Variants in RFX3 observed in about 807,000 individuals in gnomAD.
The protein encoded by RFX3 is transcription factor RFX3.
In RFX3, 14 loss-of-function variants were observed where a neutral mutation model predicts 98.6. The ratio of observed to expected loss-of-function variants is 0.14; its 90% CI spans 0.09 to 0.22. The LOEUF is 0.22. Among genes scored for constraint, RFX3 ranks in the 10% least tolerant of loss-of-function variants. The pLI, the probability that RFX3 is intolerant of heterozygous loss-of-function variation, is 1.00. For missense variants in RFX3, 639 were observed against 926.9 expected (o/e 0.69, Z 4.03); for synonymous variants, 383 against 328.4 (o/e 1.17, Z -1.80).
chr9:3,443,085 A>G (rs1370372605), intron 1 of RFX3, among the ~76,000 whole-genome samples: 1 of 152,256 alleles, frequency 6.6e-6, no homozygotes, highest in Admixed American at 6.5e-5. Flanking sequence ...GAAGATATAA[A>G]GTGACAAATA....
intron 1 of RFX3, among the ~76,000 whole-genome samples, chr9:3,401,910 A>C (rs2132037399): frequency 6.6e-6 from 1 of 152,348 alleles, no homozygotes; most frequent in Admixed American, 6.5e-5. Flanking sequence ...CCAGATGCTG[A>C]ATGGAACAAG....
At position 3,236,323 on chromosome 9, in the gene RFX3, G is replaced by T. The variant is rs547312378; in HGVS notation, c.1969-7434C>A. On this transcript the variant is annotated intron_variant, in intron 15 of 16. Transcript: ENST00000617270. ...GTTCACAGAGCTGAACGTTGTCAAG[G>T]AAGTTGACAAGGAAGTCATTCAGAG... Among the ~76,000 whole-genome samples the T allele has an allele frequency of 4.6e-5, 7 of 152,276 alleles. 1 individual carries two copies. The South Asian group carries it at 1.4e-3, about 32-fold the overall frequency.
intron 7 of RFX3, among the ~76,000 whole-genome samples, chr9:3,285,277 CACATG>C (rs1563860280): frequency 2.0e-5 from 3 of 151,864 alleles, no homozygotes; most frequent in Non-Finnish European, 2.9e-5. Context: ...TTAAACCTTT[CACATG>C]TCATTTGTAT....
At chr9:3,508,280 A>T (rs1817311362) in intron 1 of RFX3, among the ~76,000 whole-genome samples, 1 of 151,902 alleles carries the variant, frequency 6.6e-6, no homozygotes. Flanking sequence ...TCTATATTCA[A>T]ATCCCAATTT....
intron 1 of RFX3, among the ~76,000 whole-genome samples, chr9:3,435,924 C>A (rs1486981070): frequency 1.3e-5 from 2 of 151,206 alleles, no homozygotes; most frequent in East Asian, 3.9e-4. Flanking sequence ...AAGAGTGAAT[C>A]ATCTGCTCCC....
intron 2 of RFX3, among the ~76,000 whole-genome samples, chr9:3,386,632 C>T (rs7035528): frequency 0.044 from 6,612 of 151,736 alleles, 414 homozygotes; most frequent in African/African-American, 0.13. Context: ...CCAGAAGCCA[C>T]GGAAGAAAAA....
intron 1 of RFX3, among the ~76,000 whole-genome samples, chr9:3,505,727 C>G (rs1485904060): frequency 6.6e-6 from 1 of 151,254 alleles, no homozygotes; most frequent in Non-Finnish European, 1.5e-5. Context: ...CTTAATCATC[C>G]TATTTAAAAT....
intron 1 of RFX3, among the ~76,000 whole-genome samples, chr9:3,430,924 A>T (rs913767907): frequency 6.6e-6 from 1 of 152,230 alleles, no homozygotes; most frequent in Non-Finnish European, 1.5e-5. Context: ...AATATATATA[A>T]ATCCATTATA....
intron 1 of RFX3, among the ~76,000 whole-genome samples, chr9:3,510,080 G>A (rs1817522806): frequency 1.3e-5 from 2 of 151,988 alleles, no homozygotes; most frequent in Non-Finnish European, 2.9e-5. Flanking sequence ...ACTCTAGTGA[G>A]AGACCTTTTC....
intron 1 of RFX3, among the ~76,000 whole-genome samples, chr9:3,414,848 GTATATATGAGTATATATGTA>G (rs1422960148): frequency 1.7e-4 from 12 of 70,946 alleles, no homozygotes; most frequent in African/African-American, 4.1e-4. Context: ...GTATATATAA[GTATATATGAGTATATATGTA>G]TATATATGAG....
At chr9:3,495,312 A>G (rs1032893621) in intron 1 of RFX3, among the ~76,000 whole-genome samples, 1 of 152,056 alleles carries the variant, frequency 6.6e-6, no homozygotes, top group Non-Finnish European at 1.5e-5. Context: ...AAAAGGTAAA[A>G]TTATGTTCTA....
At chr9:3,451,512 C>T (rs1027872016) in intron 1 of RFX3, among the ~76,000 whole-genome samples, 1 of 152,182 alleles carries the variant, frequency 6.6e-6, no homozygotes, top group Middle Eastern at 3.2e-3. Context: ...CCACTGCACT[C>T]CAGCCTGGGC....
At chr9:3,290,116 C>G (rs1210266309) in intron 6 of RFX3, among the ~76,000 whole-genome samples, 1 of 151,528 alleles carries the variant, frequency 6.6e-6, no homozygotes, top group African/African-American at 2.4e-5. Context: ...CACTTCATTT[C>G]TTTAAACTCC....
chr9:3,363,946 G>A (rs896378996), intron 2 of RFX3, among the ~76,000 whole-genome samples: 1 of 152,244 alleles, frequency 6.6e-6, no homozygotes, highest in South Asian at 2.1e-4. Context: ...CACGATCTCA[G>A]CTCACTGCAG....
chr9:3,401,059 A>G (rs1485874116), intron 1 of RFX3, among the ~76,000 whole-genome samples: 2 of 152,222 alleles, frequency 1.3e-5, no homozygotes, highest in South Asian at 2.1e-4. Context: ...AATCGATATT[A>G]CATGATTTAC....
At chr9:3,375,062 C>G (rs942127976) in intron 2 of RFX3, among the ~76,000 whole-genome samples, 4 of 152,168 alleles carry the variant, frequency 2.6e-5, no homozygotes, top group Middle Eastern at 3.2e-3. Flanking sequence ...ACATTAATCT[C>G]TATGATCCAA....
At chr9:3,480,876 A>T (rs190338106) in intron 1 of RFX3, among the ~76,000 whole-genome samples, 2 of 152,158 alleles carry the variant, frequency 1.3e-5, no homozygotes, top group African/African-American at 4.8e-5. Context: ...ATATAAGGAA[A>T]TATTATTTAG....
At position 3,266,126 on chromosome 9, in the gene RFX3, C is replaced by G. The variant is rs143698881; in HGVS notation, c.1455+82G>C. The G allele has an allele frequency of 6.8e-6, 5 of 731,610 alleles. No individual in the cohort carries two copies. The East Asian group carries it at 1.3e-4, about 20-fold the overall frequency. The allele number at this position is 731,610 out of a possible 1,614,324, so 45.3% of individuals were successfully genotyped here. On this transcript the variant is annotated intron_variant, in intron 12 of 16. Coordinates refer to ENST00000617270, the MANE Select transcript of RFX3 (RefSeq NM_001282116.2). ...TATAACCTCAACATTTTACATAATA[C>G]CATTTGATAGGATAGATGTAAAGTT...
chr9:3,387,523 A>G (rs1487821031), intron 2 of RFX3, among the ~76,000 whole-genome samples: 1 of 152,184 alleles, frequency 6.6e-6, no homozygotes, highest in Non-Finnish European at 1.5e-5. Context: ...TTTCCATTGT[A>G]AATCAGCATG....
Sources: allele counts gnomAD v4.1 joint callset (sites outside exome capture counted in the v4.1 genomes callset), GRCh38; gene constraint gnomAD v4.1.1; transcripts MANE v1.5; gene names NCBI Gene and HGNC (gene_info 2026-07-23, HGNC 2026-07-21).